Variants in SARS1 observed in about 807,000 individuals in gnomAD.
The protein encoded by SARS1 is serine--tRNA ligase, cytoplasmic.
Under a neutral mutation model 63.7 loss-of-function variants are expected in SARS1, and 25 were observed. The ratio of observed to expected loss-of-function variants is 0.39; its 90% CI spans 0.29 to 0.55. The LOEUF is 0.55. SARS1 is among the 20% of genes least tolerant of loss of function. The pLI is 0.62. For missense variants in SARS1, 417 were observed against 649.7 expected (o/e 0.64, Z 3.89); for synonymous variants, 231 against 243.5 (o/e 0.95, Z 0.48).
At chr1:109,226,738 ATT>A (rs538901371) in intron 2 of SARS1, among the ~76,000 whole-genome samples, 1,506 of 72,674 alleles carry the variant, frequency 0.021, 27 homozygotes, top group East Asian at 0.038. Context: ...ATATATATAT[ATT>A]TATTTATTTA....
Position 109,237,488 on chromosome 1 carries a change from C to A in SARS1, c.1387+115C>A. The A allele has an allele frequency of 1.4e-6, 2 of 1,479,602 alleles. No individual in the cohort carries two copies. The highest frequency in any genetic ancestry group is 1.9e-6 in the Non-Finnish European group (2 of 1,077,964). 91.7% of individuals were successfully genotyped at this position (1,479,602 alleles called of 1,614,324 possible). ...TTTTGTTCAGACACAGCCCCTGAAACTCTGTCTGCCCTCTCGGGCTGGGCA... is the reference window on the plus strand; with the variant it reads ...TTTTGTTCAGACACAGCCCCTGAAAATCTGTCTGCCCTCTCGGGCTGGGCA... On this transcript the variant is annotated intron_variant, in intron 10 of 10. Coordinates refer to ENST00000234677, the MANE Select transcript of SARS1 (RefSeq NM_006513.4). This position sits in a 1 kb window ranked among gnomAD's most constrained non-coding sequence, Gnocchi z 4.1.
chr1:109,215,947 G>A (rs898928267), intron 1 of SARS1: 10 of 739,354 alleles, frequency 1.4e-5, no homozygotes, highest in African/African-American at 3.8e-5. Context: ...CAAGTGATCC[G>A]CCTGCCTCAG....
rs538447366 is a variant in SARS1 at position 109,224,059 on chromosome 1, T to A, written c.207+11T>A. ...GGAGAGAAAATGAAGGTAAGAGAAC[T>A]GAATAACAAACAGCCATGAGAACTT... On this transcript the variant is annotated intron_variant, in intron 2 of 10. Transcript: ENST00000234677. The A allele has an allele frequency of 2.0e-5, 32 of 1,597,566 alleles. No individual in the cohort carries two copies. In the South Asian group the frequency reaches 3.5e-4, roughly 18 times the overall value.
At chr1:109,216,524 T>A (rs949696642) in intron 1 of SARS1, 9 of 984,736 alleles carry the variant, frequency 9.1e-6, no homozygotes, top group Non-Finnish European at 9.6e-6. Flanking sequence ...TAGATTTCCA[T>A]GTAACTGGAA....
At position 109,214,987 on chromosome 1, in the gene SARS1, T is replaced by C. The variant is rs1654751881; in HGVS notation, c.136+859T>C. The C allele has an allele frequency of 1.0e-5, 10 of 985,478 alleles. No homozygotes were observed. Among genetic ancestry groups the C allele is most frequent in the Non-Finnish European group, 1.2e-5 (10 of 829,936 alleles). The allele number at this position is 985,478 out of a possible 1,614,324, so 61.0% of individuals were successfully genotyped here. ...GCGGATGCTGTCAAGTACTTGTGAT[T>C]TGATTTGTCTGATGCAATAGGTCTG... On this transcript the variant is annotated intron_variant, in intron 1 of 10. Coordinates refer to ENST00000234677, the MANE Select transcript of SARS1 (RefSeq NM_006513.4). This position sits in a 1 kb window ranked among gnomAD's most constrained non-coding sequence, Gnocchi z 4.6.
Position 109,218,428 on chromosome 1 carries a change from ACAAGTCCT to A in SARS1, c.136+4304_136+4311del, listed in dbSNP as rs1302147270. Among the ~76,000 whole-genome samples, 31 of 124,504 alleles carry A rather than the reference ACAAGTCCT, an allele frequency of 2.5e-4. 1 individual carries two copies. In the East Asian group the frequency reaches 4.8e-3, roughly 19 times the overall value. 81.7% of individuals were successfully genotyped at this position (124,504 alleles called of 152,430 possible). On this transcript the variant is annotated intron_variant, in intron 1 of 10. Coordinates refer to ENST00000234677, the MANE Select transcript of SARS1 (RefSeq NM_006513.4). ...TTACTTTTTTTTTTTTTTTTTTGGT[ACAAGTCCT>A]CAAACTCCAAAGTATGTTTTACACT...
chr1:109,232,068 C>G (rs554163113), intron 6 of SARS1, among the ~76,000 whole-genome samples: 1 of 152,316 alleles, frequency 6.6e-6, no homozygotes, highest in Admixed American at 6.5e-5. Flanking sequence ...GTATCTAAAT[C>G]AAGCATACTT....
chr1:109,221,950 G>T (rs1654936358), intron 1 of SARS1, among the ~76,000 whole-genome samples: 1 of 101,308 alleles, frequency 9.9e-6, no homozygotes, highest in Non-Finnish European at 1.8e-5. Flanking sequence ...ACCATGCTCA[G>T]CTAATTTTTT....
intron 9 of SARS1, 180 bp downstream of exon 9, chr1:109,236,728 T>C (rs905214895): frequency 1.4e-5 from 22 of 1,523,702 alleles, no homozygotes; most frequent in East Asian, 9.7e-5. Context: ...TTCTTTTAGC[T>C]AGAAACCTGA....
intron 1 of SARS1, among the ~76,000 whole-genome samples, chr1:109,221,348 T>G (rs991806657): frequency 1.3e-5 from 2 of 152,140 alleles, no homozygotes; most frequent in Admixed American, 1.3e-4. Flanking sequence ...TGTGAGCCAC[T>G]GCGTCCGGCC....
intron 2 of SARS1, among the ~76,000 whole-genome samples, chr1:109,226,847 G>A (rs537779896): frequency 2.7e-5 from 4 of 150,094 alleles, no homozygotes; most frequent in Non-Finnish European, 5.9e-5. Context: ...AGCCTACCAT[G>A]TAGCTGGGAT....
At chr1:109,221,074 T>C (rs1194981457) in intron 1 of SARS1, among the ~76,000 whole-genome samples, 6 of 151,508 alleles carry the variant, frequency 4.0e-5, no homozygotes, top group Non-Finnish European at 8.8e-5. Context: ...TTTTTTTTTT[T>C]TTCTTGAGAC....
chr1:109,218,113 A>C (rs376579912), intron 1 of SARS1, among the ~76,000 whole-genome samples: 3 of 149,894 alleles, frequency 2.0e-5, no homozygotes, highest in East Asian at 4.0e-4. Context: ...GAATGGCGTG[A>C]ACCCGGGAGG....
At chr1:109,227,671 G>A (rs1655117891) in intron 2 of SARS1, among the ~76,000 whole-genome samples, 1 of 151,758 alleles carries the variant, frequency 6.6e-6, no homozygotes, top group Admixed American at 6.6e-5. Context: ...GGAGGCCAAG[G>A]TGGGGGATCA....
intron 1 of SARS1, among the ~76,000 whole-genome samples, chr1:109,217,858 C>T (rs755325224): frequency 6.6e-6 from 1 of 152,068 alleles, no homozygotes; most frequent in African/African-American, 2.4e-5. Flanking sequence ...CCACGCCCAG[C>T]CCCGAAATTA....
chr1:109,233,862 ATTTTTTTTTT>A (rs1164453054), intron 6 of SARS1, among the ~76,000 whole-genome samples: 9 of 65,968 alleles, frequency 1.4e-4, no homozygotes, highest in Non-Finnish European at 2.5e-4. Flanking sequence ...CACCTGGCTA[ATTTTTTTTTT>A]TTTTTTTTTT....
Position 109,235,200 on chromosome 1 carries a change from C to T in SARS1, c.748-10C>T. ...TTCCTCTTAACTGGTATAGCTCCTTCCTTCCACAGGTGATTGGCAAAGGCA... is the reference window on the plus strand; with the variant it reads ...TTCCTCTTAACTGGTATAGCTCCTTTCTTCCACAGGTGATTGGCAAAGGCA... On this transcript the variant is annotated splice_polypyrimidine_tract_variant and intron_variant, in intron 6 of 10. Coordinates refer to ENST00000234677, the MANE Select transcript of SARS1 (RefSeq NM_006513.4). This position sits in a 1 kb window ranked among gnomAD's most constrained non-coding sequence, Gnocchi z 4.7. The T allele has an allele frequency of 6.2e-7, 1 of 1,610,000 alleles. No individual in the cohort carries two copies. The highest frequency in any genetic ancestry group is 8.5e-7 in the Non-Finnish European group (1 of 1,176,266).
chr1:109,224,714 T>A (rs1015766253), intron 2 of SARS1, among the ~76,000 whole-genome samples: 6 of 152,198 alleles, frequency 3.9e-5, no homozygotes, highest in African/African-American at 1.4e-4. Flanking sequence ...AATACTATGT[T>A]TCAGCTCAGC....
chr1:109,214,540 T>G lies in SARS1; in HGVS notation c.136+412T>G. ...AAGGCCAGAGTGGTTTTCCTTTGTT[T>G]TGATAGGATCAAAGGCTTCTCCTGA... On this transcript the variant is annotated intron_variant, in intron 1 of 10. Transcript: ENST00000234677. The surrounding 1 kb of genome is among the most constrained non-coding windows in gnomAD (Gnocchi z 4.6). 2.0e-6 allele frequency: 2 copies of G among 1,001,906 alleles called. No individual in the cohort carries two copies. Among genetic ancestry groups the G allele is most frequent in the East Asian group, 1.1e-4 (1 of 9,378 alleles). The allele number at this position is 1,001,906 out of a possible 1,614,324, so 62.1% of individuals were successfully genotyped here.
Sources: allele counts gnomAD v4.1 joint callset (sites outside exome capture counted in the v4.1 genomes callset), GRCh38; gene constraint gnomAD v4.1.1; non-coding constraint Gnocchi (gnomAD v3.1); transcripts MANE v1.5; gene names NCBI Gene and HGNC (gene_info 2026-07-23, HGNC 2026-07-21).